APBA2: variants seen among roughly 807,000 people sequenced by gnomAD.
The protein encoded by APBA2 is amyloid beta precursor protein binding family A member 2.
APBA2 carries 30 observed loss-of-function variants against 75.0 expected under a neutral mutation model. That is an observed-to-expected ratio of 0.40 (90% confidence interval 0.30 to 0.54). The LOEUF is 0.54. Ranked by LOEUF, APBA2 falls within the 20% of genes least tolerant of loss-of-function variation. The pLI is 0.49. For missense variants in APBA2, 801 were observed against 1,016.1 expected (o/e 0.79, Z 2.88); for synonymous variants, 444 against 409.6 (o/e 1.08, Z -1.01).
intron 3 of APBA2, among the ~76,000 whole-genome samples, chr15:29,043,843 T>G (rs1285189223): frequency 6.6e-6 from 1 of 152,332 alleles, no homozygotes; most frequent in South Asian, 2.1e-4. Context: ...AGTATTGTTT[T>G]TGGAAGATTA....
chr15:29,000,291 T>C (rs1363515802), intron 3 of APBA2, among the ~76,000 whole-genome samples: 1 of 152,192 alleles, frequency 6.6e-6, no homozygotes, highest in Non-Finnish European at 1.5e-5. Context: ...TTCTGCATAG[T>C]GAATGATAGT....
chr15:29,116,901 T>TAAG (rs1408352169), intron 14 of APBA2, among the ~76,000 whole-genome samples, 161 bp from the exon 15 acceptor site: 4 of 152,318 alleles, frequency 2.6e-5, no homozygotes, highest in African/African-American at 9.6e-5. Flanking sequence ...GAAGGCATCA[T>TAAG]AAGTGTCCCC....
Position 29,076,070 on chromosome 15 carries a change from T to C in APBA2, c.1048T>C (p.Ser350Pro), listed in dbSNP as rs1166907293. The stretch of plus-strand genomic sequence containing the variant: ...TTCCTAACAGACAAAGAAGGTGGCA[T>C]CATTTCCAAGTTTTGTGGCTGGTAA... The part of the protein sequence containing the change: ...NNIPETKKVA[S>P]FPSFVAVPGP... The change falls in exon 6 of 15, where the codon TCA becomes CCA. Residue 350 changes from serine (S) to proline (P), a missense_variant. Physicochemically the swap from Ser to Pro is moderately conservative, Grantham distance 74 (BLOSUM62 -1). Coordinates refer to ENST00000683413, the MANE Select transcript of APBA2 (RefSeq NM_001353788.2). The C allele has an allele frequency of 3.7e-6, 6 of 1,614,070 alleles. No homozygotes were observed. In the East Asian group the frequency reaches 1.3e-4, roughly 36 times the overall value.
At chr15:28,894,894 A>G (rs2032372150) in intron 1 of APBA2, among the ~76,000 whole-genome samples, 1 of 150,062 alleles carries the variant, frequency 6.7e-6, no homozygotes, top group African/African-American at 2.5e-5. Flanking sequence ...GGAGGGGCTC[A>G]GTAAGAACAC....
chr15:28,898,747 A>T (rs373973056), intron 1 of APBA2, among the ~76,000 whole-genome samples: 1 of 152,190 alleles, frequency 6.6e-6, no homozygotes. Flanking sequence ...TTCAAGGTGA[A>T]ATTTGAATGG....
At chr15:29,105,609 C>T (rs911140946) in intron 11 of APBA2, 51 bp downstream of exon 11, 7 of 1,600,402 alleles carry the variant, frequency 4.4e-6, no homozygotes, top group Non-Finnish European at 6.0e-6. Flanking sequence ...AGCTTCTGCT[C>T]CCTGAGCTCC....
At chr15:29,050,052 T>A (rs1227287226) in intron 3 of APBA2, among the ~76,000 whole-genome samples, 1 of 152,114 alleles carries the variant, frequency 6.6e-6, no homozygotes, top group Non-Finnish European at 1.5e-5. Flanking sequence ...CCTCATAAAA[T>A]TAAAAAAGAC....
intron 2 of APBA2, among the ~76,000 whole-genome samples, chr15:28,987,495 G>C (rs963807923): frequency 2.0e-5 from 3 of 151,948 alleles, no homozygotes; most frequent in African/African-American, 4.8e-5. Flanking sequence ...AGCTGCTTGA[G>C]TGTCCTCACA....
chr15:28,979,741 C>A (rs1259974741), intron 2 of APBA2, among the ~76,000 whole-genome samples: 2 of 152,204 alleles, frequency 1.3e-5, no homozygotes, highest in Non-Finnish European at 2.9e-5. Context: ...GGACCTAGGG[C>A]TCTCTGACCC....
At chr15:29,109,468 G>A (rs1052128386) in intron 13 of APBA2, among the ~76,000 whole-genome samples, 1 of 152,204 alleles carries the variant, frequency 6.6e-6, no homozygotes, top group African/African-American at 2.4e-5. Context: ...ACTCCACAAA[G>A]CCACTCAGGG....
At chr15:28,911,519 A>G (rs2033427940) in intron 1 of APBA2, among the ~76,000 whole-genome samples, 1 of 152,202 alleles carries the variant, frequency 6.6e-6, no homozygotes, top group African/African-American at 2.4e-5. Flanking sequence ...GAGGGAATTA[A>G]TGCACTTCCT....
intron 1 of APBA2, among the ~76,000 whole-genome samples, chr15:28,898,623 C>T (rs747600374): frequency 1.4e-4 from 21 of 152,146 alleles, no homozygotes; most frequent in Non-Finnish European, 2.8e-4. Context: ...TGATGATGTC[C>T]CCTTTCCCCA....
At chr15:28,914,871 C>CG (rs1186179579) in intron 1 of APBA2, among the ~76,000 whole-genome samples, 4 of 151,970 alleles carry the variant, frequency 2.6e-5, no homozygotes, top group Admixed American at 2.0e-4. Flanking sequence ...CTGTGTGTCC[C>CG]GGGCTGCCGG....
At chr15:29,057,531 C>A (rs1002590983) in intron 4 of APBA2, among the ~76,000 whole-genome samples, 2 of 152,170 alleles carry the variant, frequency 1.3e-5, no homozygotes, top group African/African-American at 4.8e-5. Context: ...CATCAGTGTG[C>A]CTTTTCAGAC....
chr15:29,041,454 G>C (rs916327315), intron 3 of APBA2, among the ~76,000 whole-genome samples: 1 of 147,428 alleles, frequency 6.8e-6, no homozygotes, highest in Non-Finnish European at 1.5e-5. Flanking sequence ...CTTTACTCCA[G>C]CCTGGGTGAC....
At chr15:29,056,706 AAGGGGAACACCTGCT>A (rs1333332448) in intron 4 of APBA2, among the ~76,000 whole-genome samples, 1 of 146,972 alleles carries the variant, frequency 6.8e-6, no homozygotes, top group Non-Finnish European at 1.5e-5. Flanking sequence ...TAATTCTGTC[AAGGGGAACACCTGCT>A]AGTTCCAGAG....
intron 2 of APBA2, among the ~76,000 whole-genome samples, chr15:28,928,877 C>T (rs2034417864): frequency 6.6e-6 from 1 of 152,148 alleles, no homozygotes. Flanking sequence ...TGGGAGTCCA[C>T]CCTTGGCCTG....
At chr15:29,080,873 T>C (rs2043055446) in intron 6 of APBA2, among the ~76,000 whole-genome samples, 1 of 152,222 alleles carries the variant, frequency 6.6e-6, no homozygotes, top group Admixed American at 6.5e-5. Context: ...CTGCTTTTTG[T>C]ACTTTGTTCT....
chr15:29,114,182 G>T (rs1326127924), intron 14 of APBA2, among the ~76,000 whole-genome samples, 166 bp downstream of exon 14: 2 of 152,236 alleles, frequency 1.3e-5, no homozygotes, highest in Non-Finnish European at 2.9e-5. Context: ...GGCAGGTGAT[G>T]CGGAGCCATC....
Sources: allele counts gnomAD v4.1 joint callset (sites outside exome capture counted in the v4.1 genomes callset), GRCh38; gene constraint gnomAD v4.1.1; transcripts MANE v1.5; gene names NCBI Gene and HGNC (gene_info 2026-07-23, HGNC 2026-07-21).